Variants in ADCY2 observed in about 807,000 individuals in gnomAD.
ADCY2 encodes adenylate cyclase 2.
In ADCY2, 31 loss-of-function variants were observed where a neutral mutation model predicts 125.2. That is an observed-to-expected ratio of 0.25 (90% CI 0.19 to 0.33). ADCY2 has a LOEUF of 0.33. ADCY2 is among the 10% of genes least tolerant of loss of function. The probability of loss-of-function intolerance (pLI) is 1.00; values close to 1 mark genes in which losing one functional copy is unlikely to be tolerated. For missense variants in ADCY2, 904 were observed against 1,418.2 expected (o/e 0.64, Z 5.82); for synonymous variants, 512 against 548.4 (o/e 0.93, Z 0.93).
At chr5:7,798,882 C>G (rs1270005042) in intron 20 of ADCY2, 1 of 152,160 alleles carries the variant, frequency 6.6e-6, no homozygotes, top group Non-Finnish European at 1.5e-5. Context: ...TTGACTATTT[C>G]TTGGACTGGG....
intron 15 of ADCY2, chr5:7,746,472 T>C (rs1742631055): frequency 1.3e-5 from 2 of 152,358 alleles, no homozygotes; most frequent in South Asian, 4.1e-4. Flanking sequence ...GTACAGCCAA[T>C]TTAAGAAGGC....
chr5:7,748,055 T>G (rs1016567154), intron 15 of ADCY2, among the ~76,000 whole-genome samples: 2 of 152,220 alleles, frequency 1.3e-5, no homozygotes, highest in Non-Finnish European at 2.9e-5. Context: ...CATCTGGGCC[T>G]GGCATCCTGA....
chr5:7,707,665 T>A (rs1378987212), intron 8 of ADCY2, 41 bp from the exon 9 acceptor site: 2 of 1,605,754 alleles, frequency 1.2e-6, no homozygotes, highest in Admixed American at 3.4e-5. Context: ...TTCACACTTA[T>A]CCTTTTATGT....
chr5:7,467,095 G>T (rs986970419), intron 2 of ADCY2, among the ~76,000 whole-genome samples: 1 of 152,190 alleles, frequency 6.6e-6, no homozygotes, highest in South Asian at 2.1e-4. Flanking sequence ...ACCTGCCCTT[G>T]TTTGGAGATA....
intron 2 of ADCY2, among the ~76,000 whole-genome samples, chr5:7,446,598 G>T (rs149997116): frequency 0.013 from 1,966 of 152,058 alleles, 35 homozygotes; most frequent in African/African-American, 0.045. Flanking sequence ...GTGAGTCTTT[G>T]GTATACAGAA....
Position 7,709,533 on chromosome 5 carries a change from C to A in ADCY2, c.1578+146C>A. ...TTCTTCTCAGAGAGGCCCTTATGAA[C>A]AACCATCAGGGTATGAGTGAGCTCC... On this transcript the variant is annotated intron_variant, in intron 10 of 24. Transcript: ENST00000338316. This position sits in a 1 kb window ranked among gnomAD's most constrained non-coding sequence, Gnocchi z 4.4. The A allele has an allele frequency of 2.0e-6, 2 of 1,001,842 alleles. No individual in the cohort carries two copies. The highest frequency in any genetic ancestry group is 2.8e-6 in the Non-Finnish European group (2 of 705,926). The allele number at this position is 1,001,842 out of a possible 1,614,324, so 62.1% of individuals were successfully genotyped here. A position where few individuals can be genotyped will look rare whatever the true frequency, so the allele number is the denominator to read the frequency against.
intron 3 of ADCY2, among the ~76,000 whole-genome samples, chr5:7,525,672 TGTG>T (rs1734432762): frequency 6.6e-6 from 1 of 151,968 alleles, no homozygotes; most frequent in Non-Finnish European, 1.5e-5. Context: ...TGTGTGTGTG[TGTG>T]TGTGTTTGTA....
chr5:7,621,020 T>C (rs1407913949), intron 3 of ADCY2, among the ~76,000 whole-genome samples: 1 of 152,296 alleles, frequency 6.6e-6, no homozygotes, highest in East Asian at 1.9e-4. Context: ...CACCCCAACA[T>C]GAGGTTAAGA....
At chr5:7,813,446 C>T (rs1168436878) in intron 22 of ADCY2, among the ~76,000 whole-genome samples, 2 of 152,196 alleles carry the variant, frequency 1.3e-5, no homozygotes, top group African/African-American at 4.8e-5. Context: ...GCTGGTGAAA[C>T]TTCCAAAACA....
intron 2 of ADCY2, among the ~76,000 whole-genome samples, chr5:7,510,236 A>G (rs1744004284): frequency 1.3e-5 from 2 of 152,238 alleles, no homozygotes; most frequent in Non-Finnish European, 2.9e-5. Flanking sequence ...CAAAAGATGC[A>G]TAATTATTCT....
chr5:7,533,745 T>C (rs1434045546), intron 3 of ADCY2, among the ~76,000 whole-genome samples: 1 of 152,256 alleles, frequency 6.6e-6, no homozygotes, highest in East Asian at 1.9e-4. Flanking sequence ...ATTTATTTTC[T>C]GTTTTTATTA....
intron 3 of ADCY2, among the ~76,000 whole-genome samples, chr5:7,620,523 G>A (rs562198095): frequency 6.6e-6 from 1 of 152,308 alleles, no homozygotes; most frequent in South Asian, 2.1e-4. Flanking sequence ...CTAAATGACT[G>A]ATAAAGAGCA....
intron 2 of ADCY2, among the ~76,000 whole-genome samples, chr5:7,442,831 C>T (rs1178357721): frequency 6.6e-6 from 1 of 152,014 alleles, no homozygotes; most frequent in Admixed American, 6.5e-5. Flanking sequence ...CCCTATTACT[C>T]GGTGATTAAT....
At chr5:7,708,635 C>T (rs1405639727) in intron 9 of ADCY2, among the ~76,000 whole-genome samples, 2 of 152,158 alleles carry the variant, frequency 1.3e-5, no homozygotes, top group Non-Finnish European at 2.9e-5. Context: ...ATCATAAAAT[C>T]AACAAGATCA....
Position 7,467,405 on chromosome 5 carries a change from C to G in ADCY2, c.408+52635C>G, listed in dbSNP as rs1281244009. On this transcript the variant is annotated intron_variant, in intron 2 of 24. Coordinates refer to ENST00000338316, the MANE Select transcript of ADCY2 (RefSeq NM_020546.3). ...TGACAAGTGCTTAGTGTCCAGGAAGCTTTGGTGATTACTGTCAGCATTGAC... is the reference window on the plus strand; with the variant it reads ...TGACAAGTGCTTAGTGTCCAGGAAGGTTTGGTGATTACTGTCAGCATTGAC... Among the ~76,000 whole-genome samples, 3 of 152,206 alleles carry G rather than the reference C, an allele frequency of 2.0e-5. No individual in the cohort carries two copies. In the South Asian group the frequency reaches 6.2e-4, roughly 31 times the overall value.
chr5:7,757,659 C>T lies in ADCY2; in HGVS notation c.2094+73C>T, dbSNP rs1178720157. On this transcript the variant is annotated intron_variant, in intron 16 of 24. Transcript: ENST00000338316. The stretch of plus-strand genomic sequence containing the variant: ...TGGCCGTGTTCAACATGGTAAGCCC[C>T]AGACCACAGCCGTGTTCAACATGGT... 3 of 1,531,896 alleles carry T rather than the reference C, an allele frequency of 2.0e-6. No homozygotes were observed. In the African/African-American group the frequency reaches 4.2e-5, roughly 21 times the overall value. The allele number at this position is 1,531,896 out of a possible 1,614,324, so 94.9% of individuals were successfully genotyped here.
rs554346929 is a variant in ADCY2, at chr5:7,576,132, C to T, written c.571-50035C>T. Among the ~76,000 whole-genome samples, 4 of 152,310 alleles carry T rather than the reference C, an allele frequency of 2.6e-5. No homozygotes were observed. The East Asian group carries it at 7.7e-4, about 29-fold the overall frequency. ...CATCCTCTGCCTTCCCTCCTCCCAG[C>T]CCCCATTGGAGCGGAGCCGAAAATG... is the stretch of plus-strand genomic sequence containing the variant. On this transcript the variant is annotated intron_variant, in intron 3 of 24. Coordinates refer to ENST00000338316, the MANE Select transcript of ADCY2 (RefSeq NM_020546.3).
intron 2 of ADCY2, among the ~76,000 whole-genome samples, chr5:7,426,123 A>G (rs1473627633): frequency 2.0e-5 from 3 of 152,196 alleles, no homozygotes; most frequent in African/African-American, 7.2e-5. Context: ...CCATTTCATT[A>G]TTTTAAACAC....
intron 2 of ADCY2, among the ~76,000 whole-genome samples, chr5:7,424,350 G>C (rs910442919): frequency 6.6e-6 from 1 of 152,222 alleles, no homozygotes; most frequent in Non-Finnish European, 1.5e-5. Flanking sequence ...GCATCTTGCT[G>C]ATGAAAAAAT....
Sources: allele counts gnomAD v4.1 joint callset (sites outside exome capture counted in the v4.1 genomes callset), GRCh38; gene constraint gnomAD v4.1.1; non-coding constraint Gnocchi (gnomAD v3.1); transcripts MANE v1.5; gene names NCBI Gene and HGNC (gene_info 2026-07-23, HGNC 2026-07-21).